Variants in ZNF714 observed in about 807,000 individuals in gnomAD.
ZNF714 encodes the protein zinc finger protein 714.
Under a neutral mutation model 46.2 loss-of-function variants are expected in ZNF714, and 32 were observed. The ratio of observed to expected loss-of-function variants is 0.69; its 90% CI spans 0.52 to 0.93. ZNF714 has a LOEUF of 0.93. Among genes scored for constraint, ZNF714 ranks in the 40% least tolerant of loss-of-function variants. The pLI is 0.00. For missense variants in ZNF714, 635 were observed against 646.3 expected (o/e 0.98, Z 0.19); for synonymous variants, 199 against 213.1 (o/e 0.93, Z 0.58).
At chr19:21,101,505 ATAAT>A (rs1337764812) in intron 4 of ZNF714, among the ~76,000 whole-genome samples, 4 of 152,312 alleles carry the variant, frequency 2.6e-5, no homozygotes, top group African/African-American at 9.6e-5. Context: ...GGCTCCATAT[ATAAT>A]GGCCCTTATA....
chr19:21,116,524 T>C (rs1003505754), intron 4 of ZNF714, among the ~76,000 whole-genome samples: 3 of 152,180 alleles, frequency 2.0e-5, no homozygotes, highest in Non-Finnish European at 2.9e-5. Flanking sequence ...AGAACTGTGT[T>C]GGGCAAAGGT....
In ZNF714 at chr19:21,117,826, AAG is replaced by A. The variant is rs1177597834; in HGVS notation, c.1164_1165del (p.Lys388AsnfsTer12). 1 of 1,612,192 alleles carries A rather than the reference AAG, an allele frequency of 6.2e-7. No individual in the cohort carries two copies. The highest frequency in any genetic ancestry group is 1.1e-5 in the South Asian group (1 of 91,072). On this transcript the variant is annotated frameshift_variant, in exon 5 of 5. Transcript: ENST00000456283. LOFTEE classifies it high-confidence loss of function. Reference protein sequence around the residue: ...FNHSSKLTIHKIIHTGEKPYK... With the variant: ...FNHSSKLTIHXIIHTGEKPYK... ...CCACTCCTCAAAACTTACTATACAT[AAG>A]ATAATTCATACTGGAGAGAAACCTT...
intron 4 of ZNF714, among the ~76,000 whole-genome samples, chr19:21,108,808 G>C (rs1448119797): frequency 6.6e-6 from 1 of 152,098 alleles, no homozygotes; most frequent in African/African-American, 2.4e-5. Flanking sequence ...TCTTTTATCT[G>C]AATTTTCTAT....
At chr19:21,096,298 A>AAGC (rs35030248) in intron 2 of ZNF714, among the ~76,000 whole-genome samples, 112,757 of 151,728 alleles carry the variant, frequency 0.74, 43,492 homozygotes, top group Middle Eastern at 0.88. Flanking sequence ...GCTAGTAGGT[A>AAGC]AGCAGGTGGT....
At chr19:21,112,816 A>ATT (rs74172391) in intron 4 of ZNF714, among the ~76,000 whole-genome samples, 1,293 of 43,178 alleles carry the variant, frequency 0.03, 312 homozygotes, top group South Asian at 0.051. Context: ...TTTATTTCTG[A>ATT]TTTTTTTTTT....
chr19:21,111,129 A>G (rs1969441209), intron 4 of ZNF714, among the ~76,000 whole-genome samples: 1 of 152,150 alleles, frequency 6.6e-6, no homozygotes, highest in Admixed American at 6.6e-5. Flanking sequence ...TGTGAAGAAT[A>G]TCAGTAGTAG....
chr19:21,082,365 C>T lies in ZNF714; in HGVS notation c.-177+17C>T, dbSNP rs7258195. The T allele has an allele frequency of 0.8, 1,153,815 of 1,447,522 alleles. 471,482 individuals are homozygous for T. The highest frequency in any genetic ancestry group is 0.84 in the Middle Eastern group (4,362 of 5,186). 89.7% of individuals were successfully genotyped at this position (1,447,522 alleles called of 1,614,324 possible). On this transcript the variant is annotated intron_variant, in intron 1 of 4. Transcript: ENST00000456283. ...CTAGAAATGGTGAGAGTGCCGGGTC[C>T]GACATCCCGAGAGAGGGGAAGGGGC...
rs1267774736 is a variant in ZNF714 at position 21,120,937 on chromosome 19, ATAG to A, written c.*2609_*2611del. On this transcript the variant is annotated 3_prime_UTR_variant, in exon 5 of 5. Coordinates refer to ENST00000456283, the MANE Select transcript of ZNF714 (RefSeq NM_182515.4). ...TTTTAGTACAGGAATACAATATATAATAGTAGCATCAGGGTTAAGTGAGGCATC... is the reference window on the plus strand; with the variant it reads ...TTTTAGTACAGGAATACAATATATAATAGCATCAGGGTTAAGTGAGGCATC... 1 of 152,226 alleles carries A rather than the reference ATAG, an allele frequency of 6.6e-6. No homozygotes were observed. Among genetic ancestry groups the A allele is most frequent in the Non-Finnish European group, 1.5e-5 (1 of 68,036 alleles). The allele number at this position is 152,226 out of a possible 1,614,324, so 9.4% of individuals were successfully genotyped here.
intron 2 of ZNF714, among the ~76,000 whole-genome samples, chr19:21,096,027 C>T (rs1701366952): frequency 6.6e-6 from 1 of 152,130 alleles, no homozygotes; most frequent in African/African-American, 2.4e-5. Context: ...AGTTAAGTGC[C>T]ACATTTGCAC....
At position 21,121,526 on chromosome 19, in the gene ZNF714, C is replaced by G. The variant is rs1969703274; in HGVS notation, c.*3194C>G. ...AACATGTGGCCTGTCTGCCTGCAAA[C>G]ATGCAGACTTTTTGATTCACATAGA... On this transcript the variant is annotated 3_prime_UTR_variant, in exon 5 of 5. Transcript: ENST00000456283. 1 of 152,096 alleles carries G rather than the reference C, an allele frequency of 6.6e-6. No homozygotes were observed. The highest frequency in any genetic ancestry group is 2.4e-5 in the African/African-American group (1 of 41,404). 9.4% of individuals were successfully genotyped at this position (152,096 alleles called of 1,614,324 possible). A position where few individuals can be genotyped will look rare whatever the true frequency, so the allele number is the denominator to read the frequency against.
At chr19:21,116,266 T>G (rs962513993) in intron 4 of ZNF714, among the ~76,000 whole-genome samples, 3 of 151,930 alleles carry the variant, frequency 2.0e-5, no homozygotes, top group African/African-American at 7.3e-5. Flanking sequence ...TTGCTCTGTT[T>G]TCTGTCTGTT....
At chr19:21,102,695 G>A (rs950189919) in intron 4 of ZNF714, among the ~76,000 whole-genome samples, 2 of 151,664 alleles carry the variant, frequency 1.3e-5, no homozygotes, top group African/African-American at 2.4e-5. Context: ...CCAATTATTC[G>A]AAATACCTGC....
At position 21,107,654 on chromosome 19, in the gene ZNF714, A is replaced by G. The variant is rs1014712803; in HGVS notation, c.142+8744A>G. On this transcript the variant is annotated intron_variant, in intron 4 of 4. Transcript: ENST00000456283. Reference sequence around the variant, plus strand: ...CTTAACAAAATTAATTTTATTGACCATTGAACAAAAATACGTTGAAGAGTG... The same window carrying G: ...CTTAACAAAATTAATTTTATTGACCGTTGAACAAAAATACGTTGAAGAGTG... Among the ~76,000 whole-genome samples, 6 of 152,124 alleles carry G rather than the reference A, an allele frequency of 3.9e-5. 1 individual carries two copies. The highest frequency in any genetic ancestry group is 1.4e-4 in the African/African-American group (6 of 41,384).
At chr19:21,092,499 G>T (rs1233336675) in intron 2 of ZNF714, among the ~76,000 whole-genome samples, 1 of 152,146 alleles carries the variant, frequency 6.6e-6, no homozygotes, top group Non-Finnish European at 1.5e-5. Context: ...ATAAATCAGA[G>T]TCCAGCCCCA....
chr19:21,096,028 A>G (rs1969030765), intron 2 of ZNF714, among the ~76,000 whole-genome samples: 1 of 152,144 alleles, frequency 6.6e-6, no homozygotes, highest in Admixed American at 6.5e-5. Flanking sequence ...GTTAAGTGCC[A>G]CATTTGCACT....
intron 1 of ZNF714, among the ~76,000 whole-genome samples, chr19:21,082,710 A>T (rs1469588514): frequency 1.8e-5 from 2 of 111,844 alleles, no homozygotes; most frequent in Non-Finnish European, 4.1e-5. Context: ...GTGGGGTTCC[A>T]GTTCCTCTTC....
At chr19:21,090,248 G>T (rs567673763) in intron 2 of ZNF714, among the ~76,000 whole-genome samples, 3 of 152,310 alleles carry the variant, frequency 2.0e-5, no homozygotes, top group East Asian at 3.9e-4. Context: ...GCAGGTTGGG[G>T]AAGGCAAAGA....
At chr19:21,089,617 G>A (rs978989446) in intron 2 of ZNF714, among the ~76,000 whole-genome samples, 2 of 152,188 alleles carry the variant, frequency 1.3e-5, no homozygotes, top group African/African-American at 4.8e-5. Context: ...AAGGTCAAGC[G>A]TCCAAGGACA....
chr19:21,087,129 T>C (rs1968799362), intron 2 of ZNF714, among the ~76,000 whole-genome samples: 1 of 147,968 alleles, frequency 6.8e-6, no homozygotes, highest in African/African-American at 2.5e-5. Flanking sequence ...TTTGAGAACA[T>C]CTGTCAAAGT....
Sources: allele counts gnomAD v4.1 joint callset (sites outside exome capture counted in the v4.1 genomes callset), GRCh38; gene constraint gnomAD v4.1.1; transcripts MANE v1.5; gene names NCBI Gene and HGNC (gene_info 2026-07-23, HGNC 2026-07-21).